SAMD9: variants seen among roughly 807,000 people sequenced by gnomAD.
SAMD9 encodes the protein sterile alpha motif domain-containing protein 9.
A neutral mutation model predicts 1.5 loss-of-function variants in SAMD9; 3 were observed. The ratio of observed to expected loss-of-function variants is 2.05; its 90% CI spans 0.93 to 5.29. SAMD9 has a LOEUF of 5.29. SAMD9 is among the 30% of genes most tolerant of loss of function. SAMD9 has a pLI of 0.02. For synonymous variants in SAMD9, 635 were observed against 631.9 expected (o/e 1.00, Z -0.07); for missense variants, 1,597 against 1,820.8 (o/e 0.88, Z 2.24).
chr7:93,107,716 A>T lies in SAMD9; in HGVS notation c.-8-1611T>A, dbSNP rs985909428. ...TTAGAATTTACCTTTCTTTCAAGAC[A>T]TGAAGATGCCAGAGCCATGGTCCAA... On this transcript the variant is annotated intron_variant, in intron 2 of 2. Coordinates refer to ENST00000379958, the MANE Select transcript of SAMD9 (RefSeq NM_017654.4). Among the ~76,000 whole-genome samples, 7 of 152,338 alleles carry T rather than the reference A, an allele frequency of 4.6e-5. No individual in the cohort carries two copies. The East Asian group carries it at 1.3e-3, about 29-fold the overall frequency.
Position 93,101,732 on chromosome 7 carries a change from ACT to A in SAMD9, c.4364_4365del (p.Glu1455ValfsTer14). 2 of 1,613,618 alleles carry A rather than the reference ACT, an allele frequency of 1.2e-6. No homozygotes were observed. The highest frequency in any genetic ancestry group is 1.6e-4 in the Middle Eastern group (1 of 6,062). On this transcript the variant is annotated frameshift_variant, in exon 3 of 3. Coordinates refer to ENST00000379958, the MANE Select transcript of SAMD9 (RefSeq NM_017654.4). LOFTEE classifies it low-confidence loss of function (END_TRUNC). ...AAAGAATTTTTTAGTGCTTGAGCAT[ACT>A]CTTTCATTTGTTCAGAATGTTGATC... ...QLDQHSEQMK[E>X]YAQALKNSFK...
In SAMD9 at chr7:93,104,290, C is replaced by T; in HGVS notation, c.1808G>A (p.Ser603Asn). The change falls in exon 3 of 3, where the codon AGC (serine) becomes AAC (asparagine). Residue 603 changes from serine (S) to asparagine (N), a missense_variant. Ser to Asn is a conservative substitution (Grantham distance 46). Transcript: ENST00000379958. The stretch of plus-strand genomic sequence containing the variant: ...AAGGCTTAAAGCAGAAATACATTGG[C>T]TTGAAATTTCATCTTGGTGTTTTAT... Reference protein sequence around the residue: ...RLIKHQDEISSQCISALSLEE... With the variant: ...RLIKHQDEISNQCISALSLEE... 1.2e-6 allele frequency: 2 copies of T among 1,613,444 alleles called. No homozygotes were observed. The highest frequency in any genetic ancestry group is 1.7e-6 in the Non-Finnish European group (2 of 1,179,674).
In SAMD9 at chr7:93,114,795, C is replaced by T. The variant is rs1276482375; in HGVS notation, c.-9G>A. 1 of 151,996 alleles carries T rather than the reference C, an allele frequency of 6.6e-6. No homozygotes were observed. The highest frequency in any genetic ancestry group is 1.9e-4 in the East Asian group (1 of 5,184). 9.4% of individuals were successfully genotyped at this position (151,996 alleles called of 1,614,324 possible). On this transcript the variant is annotated splice_region_variant and 5_prime_UTR_variant, in exon 2 of 3. Coordinates refer to ENST00000379958, the MANE Select transcript of SAMD9 (RefSeq NM_017654.4). ...CAAATTCTTAAAAAATATAGCTTACCAAACTGACTCTAGAAGAAACCGAAG... is the reference window on the plus strand; with the variant it reads ...CAAATTCTTAAAAAATATAGCTTACTAAACTGACTCTAGAAGAAACCGAAG...
At position 93,104,088 on chromosome 7, in the gene SAMD9, A is replaced by T. The variant is rs1791586582; in HGVS notation, c.2010T>A (p.Asn670Lys). The change falls in exon 3 of 3, where the codon AAT (asparagine) becomes AAA (lysine). Residue 670 changes from asparagine (N) to lysine (K), a missense_variant. Around this residue, in one of 6 missense-constraint regions of SAMD9, gnomAD observed 358 missense variants for 460.4 expected, o/e 0.78. Coordinates refer to ENST00000379958, the MANE Select transcript of SAMD9 (RefSeq NM_017654.4). Reference protein sequence around the residue: ...CEGTLLEKDKNKFLEFKASKE... With the variant: ...CEGTLLEKDKKKFLEFKASKE... ...TTGATGCCTTGAATTCAAGGAATTT[A>T]TTTTTGTCCTTCTCTAACAGTGTAC... 8 of 1,613,894 alleles carry T rather than the reference A, an allele frequency of 5.0e-6. No homozygotes were observed. Among genetic ancestry groups the T allele is most frequent in the Non-Finnish European group, 6.8e-6 (8 of 1,179,834 alleles).
chr7:93,111,566 C>T (rs903986790), intron 2 of SAMD9, among the ~76,000 whole-genome samples: 4 of 151,870 alleles, frequency 2.6e-5, no homozygotes, highest in African/African-American at 9.7e-5. Context: ...GCTAGCAAGA[C>T]TGATAAAGAA....
intron 2 of SAMD9, among the ~76,000 whole-genome samples, chr7:93,106,468 T>C (rs1338711937): frequency 6.6e-6 from 1 of 152,168 alleles, no homozygotes; most frequent in African/African-American, 2.4e-5. Context: ...TTAAGAACGT[T>C]CAATTCTGCT....
chr7:93,101,547 C>T lies in SAMD9; in HGVS notation c.4551G>A (p.Val1517=), dbSNP rs1791530313. The change falls in exon 3 of 3, where the codon GTG becomes GTA. Residue 1517 remains valine (V), a synonymous_variant. Transcript: ENST00000379958. ...DINSLWQSGD[V]WKEEKVQELL... The stretch of plus-strand genomic sequence containing the variant: ...GTTCTTGGACTTTTTCCTCCTTCCA[C>T]ACATCTCCACTCTGCCACAAGGAAT... 1.9e-6 allele frequency: 3 copies of T among 1,613,678 alleles called. No homozygotes were observed. Among genetic ancestry groups the T allele is most frequent in the African/African-American group, 1.3e-5 (1 of 74,920 alleles).
chr7:93,112,040 C>T (rs1378747697), intron 2 of SAMD9, among the ~76,000 whole-genome samples: 3 of 152,162 alleles, frequency 2.0e-5, no homozygotes, highest in Non-Finnish European at 4.4e-5. Context: ...TGATGAACAT[C>T]GATGCAAAAA....
At position 93,102,737 on chromosome 7, in the gene SAMD9, C is replaced by A. The variant is rs756675922; in HGVS notation, c.3361G>T (p.Asp1121Tyr). Residue 1121 changes from aspartate to tyrosine, a missense_variant, in exon 3 of 3, where the codon GAT becomes TAT. Asp to Tyr is a radical substitution (Grantham distance 160, BLOSUM62 -3). Coordinates refer to ENST00000379958, the MANE Select transcript of SAMD9 (RefSeq NM_017654.4). ...IIEPDNSYISDTLGQVYKSKI... is the reference protein window; with the variant it reads ...IIEPDNSYISYTLGQVYKSKI... ...CTTTTGTAGACTTGACCCAGTGTATCTGAGATATAAGAATTGTCAGGTTCT... is the reference window on the plus strand; with the variant it reads ...CTTTTGTAGACTTGACCCAGTGTATATGAGATATAAGAATTGTCAGGTTCT... 3.1e-6 allele frequency: 5 copies of A among 1,613,706 alleles called. No homozygotes were observed. The highest frequency in any genetic ancestry group is 4.2e-6 in the Non-Finnish European group (5 of 1,179,764).
At chr7:93,115,999 T>C (rs1791826494) in intron 1 of SAMD9, among the ~76,000 whole-genome samples, 1 of 152,186 alleles carries the variant, frequency 6.6e-6, no homozygotes, top group African/African-American at 2.4e-5. Flanking sequence ...TATGAAAGTA[T>C]GCTCACTTTT....
chr7:93,111,839 C>T (rs1791750359), intron 2 of SAMD9, among the ~76,000 whole-genome samples: 1 of 152,134 alleles, frequency 6.6e-6, no homozygotes, highest in African/African-American at 2.4e-5. Flanking sequence ...CAAAAAAAGT[C>T]CAGGACCAGA....
At chr7:93,112,152 T>A (rs1472843943) in intron 2 of SAMD9, among the ~76,000 whole-genome samples, 5 of 152,168 alleles carry the variant, frequency 3.3e-5, no homozygotes, top group Admixed American at 2.6e-4. Flanking sequence ...TGGTTCAACA[T>A]ACACAAATCA....
chr7:93,101,211 A>C lies in SAMD9; in HGVS notation c.*117T>G. 1 of 789,874 alleles carries C rather than the reference A, an allele frequency of 1.3e-6. No homozygotes were observed. 48.9% of individuals were successfully genotyped at this position (789,874 alleles called of 1,614,324 possible). A position where few individuals can be genotyped will look rare whatever the true frequency, so the allele number is the denominator to read the frequency against. ...AGAGGAAATTAAATACTGCATGTAC[A>C]GATCTGAAGAGCTAGAGGCTGTATC... On this transcript the variant is annotated 3_prime_UTR_variant, in exon 3 of 3. Transcript: ENST00000379958.
intron 1 of SAMD9, among the ~76,000 whole-genome samples, chr7:93,116,586 C>T (rs1791836254): frequency 6.6e-6 from 1 of 152,092 alleles, no homozygotes; most frequent in Admixed American, 6.6e-5. Flanking sequence ...GGTATTTATG[C>T]CACTGTTCAT....
At chr7:93,116,382 A>T (rs551030085) in intron 1 of SAMD9, among the ~76,000 whole-genome samples, 1 of 152,322 alleles carries the variant, frequency 6.6e-6, no homozygotes, top group East Asian at 1.9e-4. Flanking sequence ...AGCAAATAAT[A>T]AAGAAGTGAC....
Position 93,111,083 on chromosome 7 carries a change from G to A in SAMD9, c.-9+3712C>T, listed in dbSNP as rs565568171. Among the ~76,000 whole-genome samples the A allele has an allele frequency of 4.5e-4, 68 of 152,198 alleles. No individual in the cohort carries two copies. The East Asian group carries it at 0.012, about 27-fold the overall frequency. On this transcript the variant is annotated intron_variant, in intron 2 of 2. Coordinates refer to ENST00000379958, the MANE Select transcript of SAMD9 (RefSeq NM_017654.4). ...AAAGCACTCCTCAGCAAATGTAAAA[G>A]AACAGAAATTATAACAAACTGTCTC...
In SAMD9 at chr7:93,111,261, G is replaced by C. The variant is rs1791737717; in HGVS notation, c.-9+3534C>G. On this transcript the variant is annotated intron_variant, in intron 2 of 2. Coordinates refer to ENST00000379958, the MANE Select transcript of SAMD9 (RefSeq NM_017654.4). ...TAAAGATGTTCTTTGAAACCAACAA[G>C]AACAAAGACACAACATACCAGAATC... Among the ~76,000 whole-genome samples the C allele has an allele frequency of 2.6e-5, 4 of 152,228 alleles. No homozygotes were observed. In the South Asian group the frequency reaches 8.3e-4, roughly 32 times the overall value.
At position 93,100,656 on chromosome 7, in the gene SAMD9, GT is replaced by G. The variant is rs3839837; in HGVS notation, c.*671del. 0.12 allele frequency: 17,423 copies of G among 149,508 alleles called. 1,049 individuals are homozygous for G. Among genetic ancestry groups the G allele is most frequent in the Middle Eastern group, 0.16 (47 of 290 alleles). The allele number at this position is 149,508 out of a possible 1,614,324, so 9.3% of individuals were successfully genotyped here. On this transcript the variant is annotated 3_prime_UTR_variant, in exon 3 of 3. Transcript: ENST00000379958. ...GCTTGTGGAATTTGAGTGTCTGTATGTTTTTTTTTTAATTGTTTGTTTGGAG... is the reference window on the plus strand; with the variant it reads ...GCTTGTGGAATTTGAGTGTCTGTATGTTTTTTTTTAATTGTTTGTTTGGAG...
intron 1 of SAMD9, among the ~76,000 whole-genome samples, chr7:93,115,239 G>A (rs575889331): frequency 6.6e-6 from 1 of 152,312 alleles, no homozygotes; most frequent in East Asian, 1.9e-4. Flanking sequence ...CCAAATGTTG[G>A]TGATGATGTG....
Sources: gnomAD v4.1 joint callset for allele counts (sites outside exome capture counted in the v4.1 genomes callset) on GRCh38, gnomAD v4.1.1 for gene constraint, gnomAD v4.1.1 regional missense constraint, MANE v1.5 for transcripts, NCBI Gene and HGNC (gene_info 2026-07-23, HGNC 2026-07-21) for gene names.